ADGRL3: variants seen among roughly 807,000 people sequenced by gnomAD.
ADGRL3 encodes calcium-independent alpha-latrotoxin receptor 3.
ADGRL3 carries 62 observed loss-of-function variants against 153.5 expected under a neutral mutation model. The ratio of observed to expected loss-of-function variants is 0.40; its 90% confidence interval spans 0.33 to 0.50. The LOEUF is 0.50. Among genes scored for constraint, ADGRL3 ranks in the 20% least tolerant of loss-of-function variants. ADGRL3 has a pLI of 0.47. For missense variants in ADGRL3, 1,641 were observed against 1,859.4 expected (o/e 0.88, Z 2.16); for synonymous variants, 710 against 672.5 (o/e 1.06, Z -0.86).
chr4:61,312,890 A>G (rs142208075), intron 1 of ADGRL3, among the ~76,000 whole-genome samples: 130 of 152,296 alleles, frequency 8.5e-4, no homozygotes, highest in African/African-American at 2.9e-3. Context: ...AAATGAACTG[A>G]AACCATATGT....
rs138769058 is a variant in ADGRL3 at position 61,294,277 on chromosome 4, G to A, written c.-239-88847G>A. Among the ~76,000 whole-genome samples, 15 of 152,092 alleles carry A rather than the reference G, an allele frequency of 9.9e-5. No individual in the cohort carries two copies. In the East Asian group the frequency reaches 2.7e-3, roughly 28 times the overall value. On this transcript the variant is annotated intron_variant, in intron 1 of 26. Transcript: ENST00000683033. ...TGGTGAGTACCCATAGCACAATTCC[G>A]TTTTTCACTTTCAGTACAGTATTCA...
intron 17 of ADGRL3, among the ~76,000 whole-genome samples, chr4:61,956,363 AC>A (rs774971939): frequency 6.6e-6 from 1 of 151,564 alleles, no homozygotes; most frequent in Non-Finnish European, 1.5e-5. Flanking sequence ...GTTCATATTT[AC>A]CCACTTTTGG....
intron 1 of ADGRL3, among the ~76,000 whole-genome samples, chr4:61,327,680 G>A (rs918192382): frequency 1.3e-5 from 2 of 151,944 alleles, no homozygotes; most frequent in African/African-American, 4.8e-5. Flanking sequence ...GAGGTGAAAT[G>A]AATGGAGAAA....
rs112613738 is a variant in ADGRL3, at chr4:61,842,138, A to G, written c.1480+28249A>G. 6.3e-4 allele frequency among the ~76,000 whole-genome samples: 96 copies of G among 152,348 alleles called. No homozygotes were observed. In the Middle Eastern group the frequency reaches 0.01, roughly 16 times the overall value. On this transcript the variant is annotated intron_variant, in intron 9 of 26. Coordinates refer to ENST00000683033, the MANE Select transcript of ADGRL3 (RefSeq NM_001387552.1). ...CTAGTGAATAAATTCTATACAGTTAAAACATTTTAATACCAAAAGCAATAA... is the reference window on the plus strand; with the variant it reads ...CTAGTGAATAAATTCTATACAGTTAGAACATTTTAATACCAAAAGCAATAA...
At chr4:61,633,096 A>C (rs2093261191) in intron 5 of ADGRL3, among the ~76,000 whole-genome samples, 2 of 151,866 alleles carry the variant, frequency 1.3e-5, no homozygotes, top group Admixed American at 1.3e-4. Context: ...AAACTGCATA[A>C]TAGAGAAAGT....
intron 8 of ADGRL3, among the ~76,000 whole-genome samples, chr4:61,789,270 T>A (rs959681414): frequency 7.2e-5 from 11 of 152,234 alleles, no homozygotes; most frequent in African/African-American, 2.4e-4. Context: ...AATCTTTCTC[T>A]CTGTCTCTGT....
At chr4:61,933,275 AT>A (rs2098825154) in intron 13 of ADGRL3, among the ~76,000 whole-genome samples, 1 of 151,866 alleles carries the variant, frequency 6.6e-6, no homozygotes. Flanking sequence ...AAGTTTTTTT[AT>A]TTTTATTTTT....
chr4:61,808,678 T>C (rs17292030), intron 8 of ADGRL3, among the ~76,000 whole-genome samples: 8,132 of 152,100 alleles, frequency 0.053, 370 homozygotes, highest in African/African-American at 0.12. Context: ...GTTATAATGC[T>C]AGGCATGTCC....
At chr4:61,427,297 C>A (rs932563406) in intron 2 of ADGRL3, 1 of 152,714 alleles carries the variant, frequency 6.5e-6, no homozygotes, top group Non-Finnish European at 1.5e-5. Flanking sequence ...GGCATTGTTC[C>A]ATACCATTCT....
chr4:61,482,461 T>C (rs1293910273), intron 2 of ADGRL3, among the ~76,000 whole-genome samples: 1 of 152,200 alleles, frequency 6.6e-6, no homozygotes, highest in East Asian at 1.9e-4. Flanking sequence ...AATGACACTA[T>C]ATATCTTTCT....
rs368496412 is a variant in ADGRL3, at chr4:61,525,835, A to AAATAAT, written c.259+8318_259+8323dup. Among the ~76,000 whole-genome samples the AAATAAT allele has an allele frequency of 2.4e-4, 36 of 152,216 alleles. 1 individual carries two copies. Among genetic ancestry groups the AAATAAT allele is most frequent in the African/African-American group, 8.7e-4 (36 of 41,540 alleles). The stretch of plus-strand genomic sequence containing the variant: ...AGGGAGCATTGCCTTTTCAGGAAAA[A>AAATAAT]AATAATGGTGAAGTTGGTCTTAGAT... On this transcript the variant is annotated intron_variant, in intron 4 of 26. Coordinates refer to ENST00000683033, the MANE Select transcript of ADGRL3 (RefSeq NM_001387552.1).
intron 4 of ADGRL3, among the ~76,000 whole-genome samples, chr4:61,530,869 A>G (rs544493902): frequency 6.6e-6 from 1 of 152,308 alleles, no homozygotes; most frequent in East Asian, 1.9e-4. Flanking sequence ...GCTTAAAAGT[A>G]CTAGAGAACT....
At chr4:62,057,936 C>T (rs1464982852) in intron 25 of ADGRL3, among the ~76,000 whole-genome samples, 5 of 152,142 alleles carry the variant, frequency 3.3e-5, no homozygotes, top group Non-Finnish European at 7.3e-5. Flanking sequence ...ACTTCAGCCT[C>T]CCAAAGTGCT....
intron 1 of ADGRL3, among the ~76,000 whole-genome samples, chr4:61,208,859 A>G (rs756464238): frequency 2.0e-5 from 3 of 152,140 alleles, no homozygotes; most frequent in Non-Finnish European, 4.4e-5. Context: ...TCTAAGCACC[A>G]CAACAAGCCA....
At chr4:61,910,023 A>G (rs2098715121) in intron 12 of ADGRL3, among the ~76,000 whole-genome samples, 1 of 152,090 alleles carries the variant, frequency 6.6e-6, no homozygotes, top group Non-Finnish European at 1.5e-5. Flanking sequence ...TGTTATGCTA[A>G]ATTCAGACAG....
At chr4:61,737,488 G>T (rs1318917229) in intron 8 of ADGRL3, among the ~76,000 whole-genome samples, 1 of 152,088 alleles carries the variant, frequency 6.6e-6, no homozygotes, top group Admixed American at 6.5e-5. Flanking sequence ...AAGGACGTGG[G>T]TTTGAATTCT....
intron 2 of ADGRL3, among the ~76,000 whole-genome samples, chr4:61,445,531 A>G (rs1260924063): frequency 6.6e-6 from 1 of 152,228 alleles, no homozygotes; most frequent in Non-Finnish European, 1.5e-5. Context: ...GTGTTGACTT[A>G]GAGATAAGTG....
rs184346789 is a variant in ADGRL3 at position 61,874,264 on chromosome 4, T to A, written c.1481-18392T>A. Among the ~76,000 whole-genome samples the A allele has an allele frequency of 3.3e-5, 5 of 152,290 alleles. No homozygotes were observed. The South Asian group carries it at 8.3e-4, about 25-fold the overall frequency. The stretch of plus-strand genomic sequence containing the variant: ...TTCAGGTCCTTGTAGACTGTTAAAC[T>A]AAGGGCTTCAGTTTCTTGCTGGCCA... On this transcript the variant is annotated intron_variant, in intron 9 of 26. Coordinates refer to ENST00000683033, the MANE Select transcript of ADGRL3 (RefSeq NM_001387552.1).
rs868543314 is a variant in ADGRL3, at chr4:61,996,172, T to C, written c.3237-119T>C. The C allele has an allele frequency of 2.2e-4, 144 of 668,950 alleles. 2 individuals are homozygous for C. The Middle Eastern group carries it at 8.4e-3, about 39-fold the overall frequency. 41.4% of individuals were successfully genotyped at this position (668,950 alleles called of 1,614,324 possible). On this transcript the variant is annotated intron_variant, in intron 19 of 26. Transcript: ENST00000683033. Reference sequence around the variant, plus strand: ...ATTTAAATGAACAAGCAATGTAATATTTCCTGTCTCCCAGTGGAATGCTTT... The same window carrying C: ...ATTTAAATGAACAAGCAATGTAATACTTCCTGTCTCCCAGTGGAATGCTTT...
Sources: gnomAD v4.1 joint callset for allele counts (sites outside exome capture counted in the v4.1 genomes callset) on GRCh38, gnomAD v4.1.1 for gene constraint, MANE v1.5 for transcripts, NCBI Gene and HGNC (gene_info 2026-07-23, HGNC 2026-07-21) for gene names.